The following USP37 variants were observed in gnomAD, a reference collection of about 807,000 sequenced individuals.
USP37 encodes the protein ubiquitin carboxyl-terminal hydrolase 37.
USP37 carries 27 observed loss-of-function variants against 124.0 expected under a neutral mutation model. The ratio of observed to expected loss-of-function variants is 0.22; its 90% CI spans 0.16 to 0.30. The LOEUF is 0.30. Ranked by LOEUF, USP37 falls within the 10% of genes least tolerant of loss-of-function variation. The pLI is 1.00. For synonymous variants in USP37, 365 were observed against 388.0 expected, an observed-to-expected ratio of 0.94 and a Z score of 0.70; for missense variants, 889 against 1,140.4, an observed-to-expected ratio of 0.78 and a Z score of 3.17.
chr2:218,474,656 T>C lies in USP37; in HGVS notation c.2273A>G (p.Glu758Gly), dbSNP rs764585862. The change falls in exon 20 of 26, where the codon GAG (glutamate) becomes GGG (glycine). Residue 758 changes from glutamate (E) to glycine (G), a missense_variant. Around this residue, in one of 3 missense-constraint regions of USP37, gnomAD observed 504 missense variants for 714.3 expected, o/e 0.71. Transcript: ENST00000258399. ...MPENPDTMET[E>G]KPKTITELDP... Reference sequence around the variant, plus strand: ...CAGCTCTGTGATTGTTTTGGGCTTCTCAGTTTCCATAGTGTCTGGATTTTC... The same window carrying C: ...CAGCTCTGTGATTGTTTTGGGCTTCCCAGTTTCCATAGTGTCTGGATTTTC... 4 of 1,614,234 alleles carry C rather than the reference T, an allele frequency of 2.5e-6. No homozygotes were observed. Among genetic ancestry groups the C allele is most frequent in the Non-Finnish European group, 3.4e-6 (4 of 1,180,050 alleles).
At chr2:218,469,036 T>C (rs996771205) in intron 20 of USP37, among the ~76,000 whole-genome samples, 3 of 152,174 alleles carry the variant, frequency 2.0e-5, no homozygotes, top group Admixed American at 2.0e-4. Flanking sequence ...ACCCTGAAGC[T>C]TACAGCATCC....
At chr2:218,491,388 T>C (rs1017704329) in intron 14 of USP37, among the ~76,000 whole-genome samples, 7 of 152,084 alleles carry the variant, frequency 4.6e-5, no homozygotes, top group African/African-American at 1.7e-4. Context: ...CCTATAACCA[T>C]AGGATCTGAA....
chr2:218,546,123 C>T (rs1574951063), intron 8 of USP37, 98 bp downstream of exon 8: 1 of 1,020,166 alleles, frequency 9.8e-7, no homozygotes, highest in South Asian at 1.6e-5. Flanking sequence ...TTGGAATTCT[C>T]ATAAATTAAA....
chr2:218,543,407 C>G (rs1352432617), intron 8 of USP37, among the ~76,000 whole-genome samples: 1 of 143,868 alleles, frequency 7.0e-6, no homozygotes, highest in African/African-American at 2.6e-5. Flanking sequence ...GAAGCTGAGG[C>G]AGGAGAATCA....
rs898369853 is a variant in USP37, at chr2:218,485,548, C to T, written c.1670+116G>A. ...CTCTTTACCAATCCATTCTGGTAAC[C>T]TTCATTTATTCAGTAATATTTGTAT... On this transcript the variant is annotated intron_variant, in intron 16 of 25. Transcript: ENST00000258399. The T allele has an allele frequency of 2.7e-5, 32 of 1,174,460 alleles. No homozygotes were observed. In the East Asian group the frequency reaches 8.0e-4, roughly 29 times the overall value. The allele number at this position is 1,174,460 out of a possible 1,614,324, so 72.8% of individuals were successfully genotyped here.
chr2:218,544,756 AT>A (rs1255026714), intron 8 of USP37, among the ~76,000 whole-genome samples: 2 of 152,080 alleles, frequency 1.3e-5, no homozygotes, highest in African/African-American at 2.4e-5. Context: ...ACCTAGCAAG[AT>A]TTTATCACTG....
intron 19 of USP37, among the ~76,000 whole-genome samples, chr2:218,475,863 C>CT (rs1403081954): frequency 3.3e-5 from 5 of 150,796 alleles, no homozygotes; most frequent in Non-Finnish European, 7.4e-5. Flanking sequence ...GGGATAGAGA[C>CT]TGCAGTGAGC....
At chr2:218,485,843 A>C in intron 15 of USP37, 100 bp from the exon 16 acceptor site, 1 of 1,280,188 alleles carries the variant, frequency 7.8e-7, no homozygotes, top group Non-Finnish European at 1.1e-6. Flanking sequence ...TAGTGGAATG[A>C]CAACTCTGAA....
At chr2:218,457,497 T>C (rs1689758847) in intron 23 of USP37, among the ~76,000 whole-genome samples, 1 of 152,188 alleles carries the variant, frequency 6.6e-6, no homozygotes, top group Non-Finnish European at 1.5e-5. Flanking sequence ...AAAAACTACA[T>C]GGATCAGGAA....
intron 17 of USP37, among the ~76,000 whole-genome samples, chr2:218,481,488 A>G (rs1353462259): frequency 6.6e-6 from 1 of 152,182 alleles, no homozygotes; most frequent in East Asian, 1.9e-4. Flanking sequence ...CATATTCAAG[A>G]AGTATATCAA....
chr2:218,544,631 CA>C (rs971930392), intron 8 of USP37, among the ~76,000 whole-genome samples: 2 of 151,934 alleles, frequency 1.3e-5, no homozygotes, highest in African/African-American at 4.8e-5. Flanking sequence ...AGGGCAAAGC[CA>C]GGGGTCACAT....
At chr2:218,482,859 T>C (rs1691337275) in intron 16 of USP37, among the ~76,000 whole-genome samples, 1 of 152,204 alleles carries the variant, frequency 6.6e-6, no homozygotes, top group Non-Finnish European at 1.5e-5. Context: ...GTGGTTAAAA[T>C]TGTGGTAACC....
intron 15 of USP37, among the ~76,000 whole-genome samples, chr2:218,487,935 G>A (rs1339367985): frequency 1.3e-5 from 2 of 151,560 alleles, no homozygotes; most frequent in East Asian, 3.9e-4. Flanking sequence ...TGTAATCCCA[G>A]GACTTTGGGA....
chr2:218,505,547 A>C (rs1217812539), intron 11 of USP37, among the ~76,000 whole-genome samples: 2 of 152,080 alleles, frequency 1.3e-5, no homozygotes, highest in Non-Finnish European at 2.9e-5. Flanking sequence ...TGCATATTTG[A>C]CATCTTGGCT....
chr2:218,462,988 T>C (rs1348285932), intron 22 of USP37, among the ~76,000 whole-genome samples: 6 of 151,950 alleles, frequency 3.9e-5, no homozygotes, highest in Admixed American at 1.3e-4. Context: ...GCCAACATGG[T>C]GAAACCCCGT....
chr2:218,542,744 G>A (rs763478689), intron 8 of USP37, among the ~76,000 whole-genome samples: 2 of 152,126 alleles, frequency 1.3e-5, no homozygotes, highest in Non-Finnish European at 2.9e-5. Flanking sequence ...AATCATTCCT[G>A]AAAACTTAAC....
chr2:218,458,269 A>AC (rs1344990408), intron 23 of USP37, among the ~76,000 whole-genome samples: 6 of 149,678 alleles, frequency 4.0e-5, no homozygotes, highest in South Asian at 4.2e-4. Context: ...AAAAAAAAAA[A>AC]AAAAAAACAA....
At chr2:218,486,302 AG>A in intron 15 of USP37, 1 of 152,440 alleles carries the variant, frequency 6.6e-6, no homozygotes, top group East Asian at 1.9e-4. Flanking sequence ...AAAAATACAT[AG>A]GAAAATCTTC....
At chr2:218,556,520 T>G (rs1171167203) in intron 4 of USP37, among the ~76,000 whole-genome samples, 5 of 139,206 alleles carry the variant, frequency 3.6e-5, no homozygotes, top group African/African-American at 1.1e-4. Context: ...TTTTTTTTTT[T>G]TTTTTTTTTT....
Sources: gnomAD v4.1 joint callset for allele counts (sites outside exome capture counted in the v4.1 genomes callset) on GRCh38, gnomAD v4.1.1 for gene constraint, gnomAD v4.1.1 regional missense constraint, MANE v1.5 for transcripts, NCBI Gene and HGNC (gene_info 2026-07-23, HGNC 2026-07-21) for gene names.